The following TBC1D14 variants were observed in gnomAD, a reference collection of about 807,000 sequenced individuals.
The protein encoded by TBC1D14 is TBC1 domain family, member 14.
A neutral mutation model predicts 79.0 loss-of-function variants in TBC1D14; 26 were observed. The observed-to-expected ratio is 0.33, with a 90% CI of 0.24 to 0.46. The LOEUF is 0.46. Among genes scored for constraint, TBC1D14 ranks in the 20% least tolerant of loss-of-function variants. The pLI is 1.00. For synonymous variants in TBC1D14, 394 were observed against 349.9 expected, an observed-to-expected ratio of 1.13 and a Z score of -1.40; for missense variants, 769 against 887.6, an observed-to-expected ratio of 0.87 and a Z score of 1.70.
At chr4:6,969,427 A>T (rs1382523767) in intron 3 of TBC1D14, among the ~76,000 whole-genome samples, 1 of 150,944 alleles carries the variant, frequency 6.6e-6, no homozygotes, top group Non-Finnish European at 1.5e-5. Flanking sequence ...TTTTTTTGAG[A>T]CGGAGTCTCA....
At chr4:6,985,773 ACTC>A (rs554934509) in intron 3 of TBC1D14, among the ~76,000 whole-genome samples, 83 of 152,014 alleles carry the variant, frequency 5.5e-4, no homozygotes, top group Non-Finnish European at 1.1e-3. Context: ...AATAACCCCT[ACTC>A]CTGCTTTTGC....
chr4:6,984,056 A>G (rs1214935479), intron 3 of TBC1D14, among the ~76,000 whole-genome samples: 1 of 144,502 alleles, frequency 6.9e-6, no homozygotes, highest in Non-Finnish European at 1.5e-5. Flanking sequence ...GTTCTTTTAC[A>G]GGTCTTTACT....
intron 3 of TBC1D14, among the ~76,000 whole-genome samples, chr4:6,968,184 C>T (rs1301107803): frequency 6.6e-6 from 1 of 152,172 alleles, no homozygotes; most frequent in Non-Finnish European, 1.5e-5. Context: ...GACATTTGCT[C>T]AGTAGACACT....
chr4:6,977,176 A>AGATGGACTGTACT (rs1044250335), intron 3 of TBC1D14, among the ~76,000 whole-genome samples: 2 of 125,876 alleles, frequency 1.6e-5, no homozygotes, highest in Non-Finnish European at 3.4e-5. Flanking sequence ...GCCGAGCCAA[A>AGATGGACTGTACT]GCTGGACTGT....
At chr4:6,978,096 C>T (rs1185024880) in intron 3 of TBC1D14, among the ~76,000 whole-genome samples, 6 of 145,164 alleles carry the variant, frequency 4.1e-5, no homozygotes, top group Admixed American at 2.8e-4. Flanking sequence ...CCTGGCCAGC[C>T]GCCCCATCCG....
At chr4:6,933,298 CTT>C (rs1711972864) in intron 2 of TBC1D14, among the ~76,000 whole-genome samples, 10 of 57,726 alleles carry the variant, frequency 1.7e-4, no homozygotes, top group Non-Finnish European at 1.8e-4. Context: ...TCCCCTTCCC[CTT>C]CCCCTTCCCC....
rs1450695517 is a variant in TBC1D14, at chr4:6,988,106, A to G, written c.844-6078A>G. On this transcript the variant is annotated intron_variant, in intron 3 of 13. Transcript: ENST00000409757. ...GGTGGGACCTTTCTAAGACCTGTGCAGGCCATTCTTCCCCCTCAAAATGGC... is the reference window on the plus strand; with the variant it reads ...GGTGGGACCTTTCTAAGACCTGTGCGGGCCATTCTTCCCCCTCAAAATGGC... Among the ~76,000 whole-genome samples the G allele has an allele frequency of 2.0e-5, 3 of 152,202 alleles. No homozygotes were observed. The East Asian group carries it at 5.8e-4, about 29-fold the overall frequency.
At chr4:6,978,622 C>T (rs1308247584) in intron 3 of TBC1D14, among the ~76,000 whole-genome samples, 3 of 148,316 alleles carry the variant, frequency 2.0e-5, no homozygotes, top group Non-Finnish European at 4.4e-5. Context: ...GCAGGGTCCT[C>T]TGCATAGGAA....
chr4:6,977,889 T>C (rs1202168315), intron 3 of TBC1D14, among the ~76,000 whole-genome samples: 8 of 139,776 alleles, frequency 5.7e-5, no homozygotes, highest in South Asian at 2.3e-4. Flanking sequence ...GCCTCTGCCC[T>C]GCCGCCCCGT....
At chr4:6,988,992 A>C (rs1474743352) in intron 3 of TBC1D14, among the ~76,000 whole-genome samples, 1 of 140,872 alleles carries the variant, frequency 7.1e-6, no homozygotes, top group Non-Finnish European at 1.5e-5. Context: ...TCCTTGTCTC[A>C]GCCTCTTGAG....
chr4:6,939,468 G>A (rs1015592558), intron 2 of TBC1D14, among the ~76,000 whole-genome samples: 6 of 152,074 alleles, frequency 3.9e-5, no homozygotes, highest in East Asian at 3.9e-4. Flanking sequence ...CTTATTGTAC[G>A]CTGGTGCTCA....
chr4:7,030,492 C>A lies in TBC1D14; in HGVS notation c.*100C>A. ...CCCGGGCAGCCGAGAAGAACAGACG[C>A]TCTTTAAGTTTGATTCCTAACACTG... is the stretch of plus-strand genomic sequence containing the variant. On this transcript the variant is annotated 3_prime_UTR_variant, in exon 14 of 14. Transcript: ENST00000409757. 1 of 1,249,948 alleles carries A rather than the reference C, an allele frequency of 8.0e-7. No individual in the cohort carries two copies. The highest frequency in any genetic ancestry group is 1.1e-6 in the Non-Finnish European group (1 of 870,048). The allele number at this position is 1,249,948 out of a possible 1,614,324, so 77.4% of individuals were successfully genotyped here. A position where few individuals can be genotyped will look rare whatever the true frequency, so the allele number is the denominator to read the frequency against.
At chr4:6,912,394 A>C (rs1263539130) in intron 1 of TBC1D14, among the ~76,000 whole-genome samples, 2 of 151,722 alleles carry the variant, frequency 1.3e-5, no homozygotes, top group African/African-American at 4.9e-5. Flanking sequence ...ATAAAAATAA[A>C]ATAAAAAAAA....
intron 4 of TBC1D14, among the ~76,000 whole-genome samples, chr4:6,994,602 A>G (rs1231437256): frequency 6.6e-6 from 1 of 152,166 alleles, no homozygotes; most frequent in African/African-American, 2.4e-5. Context: ...TAATCCCTGC[A>G]CTTTGGGAGG....
intron 3 of TBC1D14, among the ~76,000 whole-genome samples, chr4:6,988,885 C>CTTTCTTTCT (rs748889966): frequency 2.6e-5 from 2 of 76,822 alleles, no homozygotes; most frequent in African/African-American, 1.1e-4. Flanking sequence ...TTCTTTCTTT[C>CTTTCTTTCT]TTTTTTTTTT....
intron 3 of TBC1D14, among the ~76,000 whole-genome samples, chr4:6,974,783 G>T (rs1490784663): frequency 1.3e-5 from 2 of 151,948 alleles, no homozygotes; most frequent in Non-Finnish European, 1.5e-5. Flanking sequence ...TGTCTAGAAT[G>T]CAGTTCAAAA....
intron 2 of TBC1D14, among the ~76,000 whole-genome samples, chr4:6,945,994 A>G (rs1179525422): frequency 1.3e-5 from 2 of 152,152 alleles, no homozygotes; most frequent in African/African-American, 2.4e-5. Flanking sequence ...GGGTGACTCT[A>G]GCACGCAGAG....
intron 12 of TBC1D14, among the ~76,000 whole-genome samples, chr4:7,023,733 C>T (rs1371141160): frequency 1.3e-5 from 2 of 152,134 alleles, no homozygotes; most frequent in African/African-American, 4.8e-5. Context: ...TAGCTGTTGT[C>T]CTGAGGCGCG....
intron 12 of TBC1D14, among the ~76,000 whole-genome samples, chr4:7,020,393 C>A (rs1273657188): frequency 6.6e-6 from 1 of 152,220 alleles, no homozygotes; most frequent in Non-Finnish European, 1.5e-5. Context: ...TCAGTAGTAA[C>A]CCTGTTCTTA....
Sources: gnomAD v4.1 joint callset for allele counts (sites outside exome capture counted in the v4.1 genomes callset) on GRCh38, gnomAD v4.1.1 for gene constraint, MANE v1.5 for transcripts, NCBI Gene and HGNC (gene_info 2026-07-23, HGNC 2026-07-21) for gene names.